Variants in SSH2 observed in about 807,000 individuals in gnomAD.
SSH2 encodes protein phosphatase Slingshot homolog 2.
Under a neutral mutation model 135.2 loss-of-function variants are expected in SSH2, and 37 were observed. That is an observed-to-expected ratio of 0.27 (90% CI 0.21 to 0.36). The LOEUF (loss-of-function observed/expected upper bound fraction) is 0.36, where lower values mean the gene tolerates loss of function less well. Ranked by LOEUF, SSH2 falls within the 10% of genes least tolerant of loss-of-function variation. The pLI is 1.00. For missense variants in SSH2, 1,408 were observed against 1,765.3 expected (o/e 0.80, Z 3.63); for synonymous variants, 628 against 646.2 (o/e 0.97, Z 0.43).
chr17:29,917,616 G>A (rs985382599), intron 1 of SSH2, among the ~76,000 whole-genome samples: 1 of 152,114 alleles, frequency 6.6e-6, no homozygotes, highest in African/African-American at 2.4e-5. Flanking sequence ...CTATGGCAGG[G>A]CAAATCTAAA....
At position 29,655,674 on chromosome 17, in the gene SSH2, C is replaced by T. The variant is rs371968761; in HGVS notation, c.1033-67G>A. On this transcript the variant is annotated intron_variant, in intron 11 of 15. Coordinates refer to ENST00000540801, the MANE Select transcript of SSH2 (RefSeq NM_001282129.2). ...CAACCAAACAATACTTGAAAAGGAG[C>T]GAGAGAAGAAGAACTTTCAAAAAGA... The T allele has an allele frequency of 1.2e-3, 1,724 of 1,443,316 alleles. 3 individuals are homozygous for T. The highest frequency in any genetic ancestry group is 1.6e-3 in the Non-Finnish European group (1,619 of 1,025,734). The allele number at this position is 1,443,316 out of a possible 1,614,324, so 89.4% of individuals were successfully genotyped here. A position where few individuals can be genotyped will look rare whatever the true frequency, so the allele number is the denominator to read the frequency against.
At chr17:29,633,122 C>T (rs140650540) in intron 15 of SSH2, among the ~76,000 whole-genome samples, 191 bp from the exon 16 acceptor site, 22 of 152,288 alleles carry the variant, frequency 1.4e-4, no homozygotes, top group African/African-American at 5.3e-4. Flanking sequence ...TTCATCAAGG[C>T]TAGACATAAC....
At chr17:29,866,537 G>A (rs769219603) in intron 1 of SSH2, among the ~76,000 whole-genome samples, 3 of 152,174 alleles carry the variant, frequency 2.0e-5, no homozygotes, top group Non-Finnish European at 2.9e-5. Flanking sequence ...AAGCCAAGGA[G>A]CCAGAGGTAG....
intron 1 of SSH2, among the ~76,000 whole-genome samples, chr17:29,876,278 C>T (rs1417485410): frequency 2.6e-5 from 4 of 151,028 alleles, no homozygotes; most frequent in Non-Finnish European, 5.9e-5. Context: ...CAGCATGCTA[C>T]TGCCATGAAA....
At chr17:29,850,539 AT>A (rs1436783048) in intron 1 of SSH2, among the ~76,000 whole-genome samples, 4 of 152,220 alleles carry the variant, frequency 2.6e-5, no homozygotes, top group African/African-American at 4.8e-5. Context: ...ACTCTTTCTG[AT>A]AACAGCCTTG....
At position 29,636,210 on chromosome 17, in the gene SSH2, T is replaced by C; in HGVS notation, c.2020A>G (p.Thr674Ala). 3 of 1,614,186 alleles carry C rather than the reference T, an allele frequency of 1.9e-6. No individual in the cohort carries two copies. The highest frequency in any genetic ancestry group is 2.5e-6 in the Non-Finnish European group (3 of 1,180,032). Residue 674 changes from threonine (T) to alanine (A), a missense_variant, in exon 15 of 16, where the codon ACA (threonine) becomes GCA (alanine). Physicochemically the swap from Thr to Ala is moderately conservative, Grantham distance 58. Transcript: ENST00000540801. ...SCQTEISDFS[T>A]DRIDFFSALE... Reference sequence around the variant, plus strand: ...GCACTAAAAAAGTCAATGCGATCTGTACTGAAATCTGAGATTTCAGTCTGG... The same window carrying C: ...GCACTAAAAAAGTCAATGCGATCTGCACTGAAATCTGAGATTTCAGTCTGG...
At chr17:29,739,691 C>A (rs115486361) in intron 3 of SSH2, among the ~76,000 whole-genome samples, 341 of 152,204 alleles carry the variant, frequency 2.2e-3, no homozygotes, top group African/African-American at 8.1e-3. Context: ...CCTAATAGGG[C>A]AAAAGGTGAT....
At chr17:29,722,229 G>A (rs559440969) in intron 3 of SSH2, among the ~76,000 whole-genome samples, 7 of 149,936 alleles carry the variant, frequency 4.7e-5, no homozygotes, top group Admixed American at 1.3e-4. Context: ...AGCCGAGATC[G>A]CGCCACTGCA....
intron 2 of SSH2, among the ~76,000 whole-genome samples, chr17:29,821,687 C>T (rs2042653658): frequency 6.6e-6 from 1 of 151,402 alleles, no homozygotes. Flanking sequence ...GCTCTGTTGC[C>T]AGGCTGGAGT....
intron 2 of SSH2, among the ~76,000 whole-genome samples, chr17:29,817,000 T>G (rs2042570218): frequency 6.6e-6 from 1 of 152,164 alleles, no homozygotes; most frequent in Non-Finnish European, 1.5e-5. Context: ...TCATGTATAA[T>G]AAGAAAGCAC....
intron 3 of SSH2, among the ~76,000 whole-genome samples, chr17:29,743,608 C>T (rs1161470724): frequency 6.6e-6 from 1 of 152,000 alleles, no homozygotes; most frequent in African/African-American, 2.4e-5. Flanking sequence ...GTGAATAAGC[C>T]CCGGCACACT....
chr17:29,873,590 A>G (rs1385211777), intron 1 of SSH2, among the ~76,000 whole-genome samples: 1 of 152,134 alleles, frequency 6.6e-6, no homozygotes, highest in Admixed American at 6.6e-5. Flanking sequence ...AAACACATGG[A>G]ACAAACATAT....
rs371735860 is a variant in SSH2 at position 29,774,452 on chromosome 17, A to G, written c.188+19442T>C. On this transcript the variant is annotated intron_variant, in intron 3 of 15. Coordinates refer to ENST00000540801, the MANE Select transcript of SSH2 (RefSeq NM_001282129.2). ...GCTAATTTTGTATTTTTTAGTAGAG[A>G]TGGGGTTTCACCATGCTGGTCAGGC... is the stretch of plus-strand genomic sequence containing the variant. Among the ~76,000 whole-genome samples the G allele has an allele frequency of 6.6e-5, 10 of 152,090 alleles. No homozygotes were observed. The South Asian group carries it at 2.1e-3, about 32-fold the overall frequency.
At chr17:29,655,699 A>G (rs2036754269) in intron 11 of SSH2, 92 bp from the exon 12 acceptor site, 3 of 1,171,410 alleles carry the variant, frequency 2.6e-6, no homozygotes, top group Non-Finnish European at 3.8e-6. Context: ...TTTCAAAAAG[A>G]AGACTAATAA....
chr17:29,635,490 C>T (rs550208922), intron 15 of SSH2, among the ~76,000 whole-genome samples: 13 of 152,016 alleles, frequency 8.6e-5, no homozygotes, highest in African/African-American at 1.2e-4. Context: ...CTGCAAGCTC[C>T]GCCTCCTGGG....
At chr17:29,660,630 T>G (rs1172008952) in intron 11 of SSH2, among the ~76,000 whole-genome samples, 1 of 152,036 alleles carries the variant, frequency 6.6e-6, no homozygotes, top group Non-Finnish European at 1.5e-5. Context: ...ATTTAATGGG[T>G]ACATTTCCCT....
chr17:29,771,315 G>T (rs559137863), intron 3 of SSH2, among the ~76,000 whole-genome samples: 1 of 152,268 alleles, frequency 6.6e-6, no homozygotes, highest in East Asian at 1.9e-4. Context: ...TAACTCTTTT[G>T]TGGACTTTAT....
At chr17:29,886,060 C>G (rs1215717696) in intron 1 of SSH2, among the ~76,000 whole-genome samples, 1 of 152,132 alleles carries the variant, frequency 6.6e-6, no homozygotes, top group African/African-American at 2.4e-5. Flanking sequence ...AACTTTGGAA[C>G]TGAGTAGCAG....
chr17:29,852,351 A>C (rs913583825), intron 1 of SSH2, among the ~76,000 whole-genome samples: 4 of 151,990 alleles, frequency 2.6e-5, no homozygotes, highest in South Asian at 2.1e-4. Context: ...TTAAGACTTT[A>C]TATATATATT....
Sources: allele counts gnomAD v4.1 joint callset (sites outside exome capture counted in the v4.1 genomes callset), GRCh38; gene constraint gnomAD v4.1.1; transcripts MANE v1.5; gene names NCBI Gene and HGNC (gene_info 2026-07-23, HGNC 2026-07-21).